The following RPIA variants were observed in gnomAD, a reference collection of about 807,000 sequenced individuals.
The protein encoded by RPIA is ribose 5-phosphate isomerase A.
RPIA carries 29 observed loss-of-function variants against 37.8 expected under a neutral mutation model. That is an observed-to-expected ratio of 0.77 (90% confidence interval 0.57 to 1.05). The LOEUF is 1.05. Ranked by LOEUF, RPIA falls within the 50% of genes least tolerant of loss-of-function variation. The pLI, the probability that RPIA is intolerant of heterozygous loss-of-function variation, is 0.00. For missense variants in RPIA, 385 were observed against 413.6 expected (o/e 0.93, Z 0.60); for synonymous variants, 167 against 157.0 (o/e 1.06, Z -0.48).
chr2:88,749,594 C>T (rs1330059757), intron 8 of RPIA, among the ~76,000 whole-genome samples: 1 of 152,140 alleles, frequency 6.6e-6, no homozygotes, highest in Non-Finnish European at 1.5e-5. Flanking sequence ...TAGTGGGGCT[C>T]CTTGGCTGGA....
At chr2:88,739,052 T>C (rs1046444189) in intron 8 of RPIA, among the ~76,000 whole-genome samples, 1 of 152,082 alleles carries the variant, frequency 6.6e-6, no homozygotes, top group Non-Finnish European at 1.5e-5. Flanking sequence ...GGGTGGGCAG[T>C]GTAGAGATGA....
intron 3 of RPIA, among the ~76,000 whole-genome samples, chr2:88,708,004 G>A (rs1238656547): frequency 6.6e-6 from 1 of 152,156 alleles, no homozygotes; most frequent in Non-Finnish European, 1.5e-5. Flanking sequence ...TTGAAAAAAT[G>A]TTTGTCCTAC....
At chr2:88,717,501 G>A (rs1282371552) in intron 3 of RPIA, among the ~76,000 whole-genome samples, 1 of 152,122 alleles carries the variant, frequency 6.6e-6, no homozygotes, top group Non-Finnish European at 1.5e-5. Context: ...GAGACAAATG[G>A]TTGCATTCTT....
intron 3 of RPIA, among the ~76,000 whole-genome samples, chr2:88,727,941 A>G (rs1240907623): frequency 1.3e-5 from 2 of 152,186 alleles, no homozygotes; most frequent in African/African-American, 2.4e-5. Context: ...AAGGAGAGAG[A>G]ACAATAAAAT....
chr2:88,718,113 A>G (rs1034243762), intron 3 of RPIA, among the ~76,000 whole-genome samples: 2 of 152,230 alleles, frequency 1.3e-5, no homozygotes, highest in African/African-American at 4.8e-5. Context: ...CCCTGAAAAC[A>G]TTATTTTGCA....
intron 7 of RPIA, 29 bp from the exon 8 acceptor site, chr2:88,737,948 C>A: frequency 6.4e-7 from 1 of 1,551,286 alleles, no homozygotes; most frequent in Non-Finnish European, 8.9e-7. Flanking sequence ...TATCTGCATC[C>A]TTGGTCACTG....
chr2:88,695,776 T>A (rs1672734048), intron 1 of RPIA, among the ~76,000 whole-genome samples: 1 of 152,220 alleles, frequency 6.6e-6, no homozygotes. Flanking sequence ...AAGCCCCTGA[T>A]GTATTCAGTG....
At chr2:88,707,332 C>G (rs1311102209) in intron 3 of RPIA, among the ~76,000 whole-genome samples, 1 of 151,826 alleles carries the variant, frequency 6.6e-6, no homozygotes, top group Non-Finnish European at 1.5e-5. Context: ...GTTAAATACA[C>G]TTTTAGCTTG....
intron 4 of RPIA, among the ~76,000 whole-genome samples, chr2:88,732,728 T>TAAAAAA (rs75685116): frequency 5.0e-4 from 1 of 2,004 alleles, no homozygotes; most frequent in Admixed American, 5.6e-3. Flanking sequence ...TAGAGTATAA[T>TAAAAAA]AAAAAAAAAA....
chr2:88,740,319 G>A (rs958271415), intron 8 of RPIA, among the ~76,000 whole-genome samples: 1 of 152,182 alleles, frequency 6.6e-6, no homozygotes, highest in East Asian at 1.9e-4. Context: ...TCCTAAAGAC[G>A]TTCAGAGTTT....
chr2:88,701,976 T>C (rs1672837977), intron 3 of RPIA, among the ~76,000 whole-genome samples: 1 of 152,224 alleles, frequency 6.6e-6, no homozygotes, highest in Non-Finnish European at 1.5e-5. Flanking sequence ...AAAGAAACAC[T>C]TATCATAGAA....
chr2:88,716,917 A>C (rs1488627715), intron 3 of RPIA, among the ~76,000 whole-genome samples: 1 of 152,218 alleles, frequency 6.6e-6, no homozygotes, highest in African/African-American at 2.4e-5. Flanking sequence ...GAAACTCTCC[A>C]TTTTTATGCT....
chr2:88,740,904 C>T (rs531445403), intron 8 of RPIA, among the ~76,000 whole-genome samples: 17 of 152,250 alleles, frequency 1.1e-4, no homozygotes, highest in African/African-American at 3.4e-4. Context: ...CTACTTTGCT[C>T]ATCTTTGGAA....
At chr2:88,744,878 G>C (rs1018885294) in intron 8 of RPIA, among the ~76,000 whole-genome samples, 5 of 152,160 alleles carry the variant, frequency 3.3e-5, no homozygotes, top group African/African-American at 1.2e-4. Flanking sequence ...GTAAGTTTAT[G>C]TGAATCCTTA....
chr2:88,710,713 A>G (rs1672951584), intron 3 of RPIA, among the ~76,000 whole-genome samples: 2 of 152,224 alleles, frequency 1.3e-5, no homozygotes, highest in Admixed American at 1.3e-4. Context: ...TTTAGTCACA[A>G]GCCTAGCTGG....
rs762041393 is a variant in RPIA, at chr2:88,691,687, C to G, written c.-12C>G. ...GGCGGGACTTCAGCGGAGGCCGGAG[C>G]GAGGCGTCGGGATGCAGCGCCCCGG... On this transcript the variant is annotated 5_prime_UTR_variant, in exon 1 of 9. Coordinates refer to ENST00000283646, the MANE Select transcript of RPIA (RefSeq NM_144563.3). 3.8e-6 allele frequency: 6 copies of G among 1,567,830 alleles called. No homozygotes were observed. The South Asian group carries it at 7.0e-5, about 18-fold the overall frequency.
chr2:88,745,480 G>A lies in RPIA; in HGVS notation c.839-4501G>A, dbSNP rs906136955. ...CTTGTAGGACTGGCTTGGTAGTGGC[G>A]AATTCTCTCAGCATTTGTTTGTCTG... On this transcript the variant is annotated intron_variant, in intron 8 of 8. Coordinates refer to ENST00000283646, the MANE Select transcript of RPIA (RefSeq NM_144563.3). Among the ~76,000 whole-genome samples the A allele has an allele frequency of 1.1e-4, 17 of 152,108 alleles. No individual in the cohort carries two copies. The East Asian group carries it at 2.3e-3, about 21-fold the overall frequency.
In RPIA at chr2:88,750,114, C is replaced by T; in HGVS notation, c.*36C>T. ...AGCAGAGTGTGTTCACCTTGAGTCT[C>T]CAGCCCACAGCCAAGGTGGACGTAC... On this transcript the variant is annotated 3_prime_UTR_variant, in exon 9 of 9. Coordinates refer to ENST00000283646, the MANE Select transcript of RPIA (RefSeq NM_144563.3). The T allele has an allele frequency of 6.8e-7, 1 of 1,477,002 alleles. No homozygotes were observed. The highest frequency in any genetic ancestry group is 9.5e-7 in the Non-Finnish European group (1 of 1,056,706). The allele number at this position is 1,477,002 out of a possible 1,614,324, so 91.5% of individuals were successfully genotyped here.
At chr2:88,711,426 G>C (rs1285472991) in intron 3 of RPIA, among the ~76,000 whole-genome samples, 1 of 152,240 alleles carries the variant, frequency 6.6e-6, no homozygotes, top group East Asian at 1.9e-4. Flanking sequence ...AAGATTTTCT[G>C]ACTGGCAATT....
Sources: gnomAD v4.1 joint callset for allele counts (sites outside exome capture counted in the v4.1 genomes callset) on GRCh38, gnomAD v4.1.1 for gene constraint, MANE v1.5 for transcripts, NCBI Gene and HGNC (gene_info 2026-07-23, HGNC 2026-07-21) for gene names.